The following PBX3 variants were observed in gnomAD, a reference collection of about 807,000 sequenced individuals.
PBX3 encodes the protein pre-B-cell leukemia transcription factor 3.
Under a neutral mutation model 48.5 loss-of-function variants are expected in PBX3, and 14 were observed. That is an observed-to-expected ratio of 0.29 (90% CI 0.19 to 0.45). The LOEUF is 0.45. PBX3 is among the 20% of genes least tolerant of loss of function. The probability of loss-of-function intolerance (pLI) is 1.00; values close to 1 mark genes in which losing one functional copy is unlikely to be tolerated. For missense variants in PBX3, 386 were observed against 546.7 expected, an observed-to-expected ratio of 0.71 and a Z score of 2.93; for synonymous variants, 210 against 200.3, an observed-to-expected ratio of 1.05 and a Z score of -0.41.
At chr9:125,955,724 G>C (rs1842291716) in intron 5 of PBX3, among the ~76,000 whole-genome samples, 1 of 152,190 alleles carries the variant, frequency 6.6e-6, no homozygotes, top group South Asian at 2.1e-4. Context: ...GACCTGCTGG[G>C]ATATCTCTTC....
At chr9:125,766,775 C>G (rs1012388240) in intron 2 of PBX3, among the ~76,000 whole-genome samples, 1 of 152,046 alleles carries the variant, frequency 6.6e-6, no homozygotes, top group African/African-American at 2.4e-5. Flanking sequence ...ACAGAAATCA[C>G]TGTTTAAGTT....
intron 2 of PBX3, among the ~76,000 whole-genome samples, chr9:125,795,600 C>T (rs1372211916): frequency 1.3e-5 from 2 of 152,056 alleles, no homozygotes; most frequent in Non-Finnish European, 2.9e-5. Context: ...CTTATTGCAT[C>T]TAAAGAAACC....
chr9:125,935,789 G>T (rs931198749), intron 5 of PBX3, among the ~76,000 whole-genome samples, 182 bp downstream of exon 5: 2 of 152,312 alleles, frequency 1.3e-5, no homozygotes, highest in East Asian at 3.9e-4. Context: ...TTGAAAAACT[G>T]TAAGTGGCGA....
intron 2 of PBX3, among the ~76,000 whole-genome samples, chr9:125,894,761 A>G (rs1421375708): frequency 6.6e-6 from 1 of 152,118 alleles, no homozygotes; most frequent in Non-Finnish European, 1.5e-5. Context: ...CTGTCTTCTT[A>G]TAGTGTGCTG....
At chr9:125,827,573 G>T (rs55803910) in intron 2 of PBX3, among the ~76,000 whole-genome samples, 5 of 151,832 alleles carry the variant, frequency 3.3e-5, no homozygotes, top group Non-Finnish European at 7.4e-5. Flanking sequence ...CCTATGTGTC[G>T]TATATACACA....
intron 2 of PBX3, among the ~76,000 whole-genome samples, chr9:125,800,860 C>T (rs190077490): frequency 6.7e-6 from 1 of 150,254 alleles, no homozygotes; most frequent in East Asian, 2.0e-4. Flanking sequence ...TCAAGCGATT[C>T]TCCTACCTCA....
In PBX3 at chr9:125,748,810, T is replaced by C. The variant is rs1836284034; in HGVS notation, c.274+187T>C. 1.4e-5 allele frequency: 7 copies of C among 492,874 alleles called. No individual in the cohort carries two copies. In the South Asian group the frequency reaches 1.9e-4, roughly 13 times the overall value. The allele number at this position is 492,874 out of a possible 1,614,324, so 30.5% of individuals were successfully genotyped here. On this transcript the variant is annotated intron_variant, in intron 2 of 8. Coordinates refer to ENST00000373489, the MANE Select transcript of PBX3 (RefSeq NM_006195.6). ...GGAGTCAATTTCTCAGTTCTGCTCC[T>C]GGTGTAAAATGAAGTGTAGGTGCGG...
At chr9:125,847,338 T>A (rs1308436176) in intron 2 of PBX3, among the ~76,000 whole-genome samples, 1 of 152,028 alleles carries the variant, frequency 6.6e-6, no homozygotes, top group African/African-American at 2.4e-5. Flanking sequence ...GCAGCATTAT[T>A]CCTAAAAGGA....
intron 2 of PBX3, among the ~76,000 whole-genome samples, chr9:125,809,342 G>A (rs1055218458): frequency 6.6e-6 from 1 of 151,720 alleles, no homozygotes; most frequent in Non-Finnish European, 1.5e-5. Flanking sequence ...TTATTCTTGG[G>A]AAAAAATCTT....
chr9:125,800,571 C>T (rs768874950), intron 2 of PBX3, among the ~76,000 whole-genome samples: 3 of 152,052 alleles, frequency 2.0e-5, no homozygotes, highest in Non-Finnish European at 4.4e-5. Context: ...CCCAACACCT[C>T]AGTGAAACAA....
At chr9:125,807,776 C>G (rs1325381194) in intron 2 of PBX3, among the ~76,000 whole-genome samples, 1 of 152,016 alleles carries the variant, frequency 6.6e-6, no homozygotes, top group Non-Finnish European at 1.5e-5. Context: ...GCTGTACTTG[C>G]CAGTCTAGTT....
chr9:125,886,000 C>G (rs1476885886), intron 2 of PBX3, among the ~76,000 whole-genome samples: 1 of 152,002 alleles, frequency 6.6e-6, no homozygotes, highest in Non-Finnish European at 1.5e-5. Context: ...AGTCTTTGTT[C>G]TTGTTTATAA....
At chr9:125,856,260 A>G (rs1482873255) in intron 2 of PBX3, among the ~76,000 whole-genome samples, 2 of 152,152 alleles carry the variant, frequency 1.3e-5, no homozygotes, top group Non-Finnish European at 2.9e-5. Context: ...TTTTTGAATC[A>G]ATGTAAAATA....
intron 2 of PBX3, among the ~76,000 whole-genome samples, chr9:125,778,527 G>A (rs894536895): frequency 6.6e-6 from 1 of 151,618 alleles, no homozygotes; most frequent in Non-Finnish European, 1.5e-5. Context: ...AAAATGCTGG[G>A]ATTACAGGCG....
chr9:125,860,626 C>G (rs969603536), intron 2 of PBX3, among the ~76,000 whole-genome samples: 1 of 152,146 alleles, frequency 6.6e-6, no homozygotes, highest in African/African-American at 2.4e-5. Context: ...TGCGGTGGCT[C>G]ATGCTTATAA....
chr9:125,811,572 C>T (rs1838291082), intron 2 of PBX3, among the ~76,000 whole-genome samples: 1 of 152,180 alleles, frequency 6.6e-6, no homozygotes, highest in South Asian at 2.1e-4. Flanking sequence ...TTGTAAGTCT[C>T]CTGAGGCCTC....
rs547820507 is a variant in PBX3, at chr9:125,870,949, T to C, written c.275-44737T>C. On this transcript the variant is annotated intron_variant, in intron 2 of 8. Transcript: ENST00000373489. Reference sequence around the variant, plus strand: ...GGTATATAAATTGAATAATTTCAGCTTGGAACATTACCTAGCAAAATTGAA... The same window carrying C: ...GGTATATAAATTGAATAATTTCAGCCTGGAACATTACCTAGCAAAATTGAA... Among the ~76,000 whole-genome samples the C allele has an allele frequency of 2.0e-5, 3 of 152,290 alleles. No individual in the cohort carries two copies. The South Asian group carries it at 6.2e-4, about 32-fold the overall frequency.
At chr9:125,758,294 T>G (rs1836574835) in intron 2 of PBX3, among the ~76,000 whole-genome samples, 1 of 152,164 alleles carries the variant, frequency 6.6e-6, no homozygotes, top group South Asian at 2.1e-4. Context: ...TCAAACCAGT[T>G]TCCTTTTTTT....
At chr9:125,747,707 G>C (rs1836232029) in intron 1 of PBX3, 54 bp downstream of exon 1, 1 of 1,401,074 alleles carries the variant, frequency 7.1e-7, no homozygotes, top group East Asian at 3.0e-5. Context: ...CCGGGCCCGC[G>C]GCCGAGTCGA....
Sources: allele counts gnomAD v4.1 joint callset (sites outside exome capture counted in the v4.1 genomes callset), GRCh38; gene constraint gnomAD v4.1.1; transcripts MANE v1.5; gene names NCBI Gene and HGNC (gene_info 2026-07-23, HGNC 2026-07-21).